SP110: variants seen among roughly 807,000 people sequenced by gnomAD.
SP110 encodes SP110 nuclear body protein.
Under a neutral mutation model 92.7 loss-of-function variants are expected in SP110, and 62 were observed. The observed-to-expected ratio is 0.67, with a 90% CI of 0.55 to 0.83. SP110 has a LOEUF of 0.83. Among genes scored for constraint, SP110 ranks in the 40% least tolerant of loss-of-function variants. SP110 has a pLI of 0.00. For missense variants in SP110, 793 were observed against 863.9 expected (o/e 0.92, Z 1.03); for synonymous variants, 273 against 305.3 (o/e 0.89, Z 1.10).
chr2:230,179,206 G>A (rs1207699811), intron 12 of SP110, among the ~76,000 whole-genome samples: 3 of 152,198 alleles, frequency 2.0e-5, no homozygotes, highest in Non-Finnish European at 4.4e-5. Flanking sequence ...ACACAAGGCA[G>A]ATAGAGTGAG....
intron 10 of SP110, among the ~76,000 whole-genome samples, chr2:230,188,972 A>C (rs1269889693): frequency 1.3e-5 from 2 of 151,726 alleles, no homozygotes; most frequent in African/African-American, 4.8e-5. Flanking sequence ...TTTCCTCTAG[A>C]TTTTTCTAGT....
intron 8 of SP110, among the ~76,000 whole-genome samples, chr2:230,206,132 T>A (rs1249731186): frequency 6.6e-6 from 1 of 152,180 alleles, no homozygotes; most frequent in Non-Finnish European, 1.5e-5. Context: ...AATGATAAAC[T>A]AAGTCAGGGA....
chr2:230,210,449 T>C (rs1006452894), intron 6 of SP110, among the ~76,000 whole-genome samples: 1 of 152,242 alleles, frequency 6.6e-6, no homozygotes, highest in Non-Finnish European at 1.5e-5. Context: ...GGGAATGTCT[T>C]TGCTGTATGA....
intron 10 of SP110, among the ~76,000 whole-genome samples, chr2:230,199,782 G>A (rs1032287032): frequency 6.6e-6 from 1 of 152,106 alleles, no homozygotes; most frequent in Non-Finnish European, 1.5e-5. Context: ...GAAGTAATGA[G>A]AAAGTAATTT....
chr2:230,194,871 T>C (rs1165485370), intron 10 of SP110, among the ~76,000 whole-genome samples: 1 of 152,132 alleles, frequency 6.6e-6, no homozygotes, highest in Non-Finnish European at 1.5e-5. Flanking sequence ...ACCAAGTTGG[T>C]GTTAGGTTTG....
chr2:230,176,434 C>T, intron 14 of SP110: 1 of 1,398,956 alleles, frequency 7.1e-7, no homozygotes, highest in East Asian at 2.7e-5. Context: ...TTATAGCCAT[C>T]CAAATATCCA....
At chr2:230,196,105 T>A (rs1041272823) in intron 10 of SP110, among the ~76,000 whole-genome samples, 1 of 152,218 alleles carries the variant, frequency 6.6e-6, no homozygotes, top group South Asian at 2.1e-4. Context: ...TGAATACTCA[T>A]ATATTGTTAA....
chr2:230,191,940 A>G (rs992583646), intron 10 of SP110, among the ~76,000 whole-genome samples: 1 of 152,222 alleles, frequency 6.6e-6, no homozygotes, highest in Non-Finnish European at 1.5e-5. Flanking sequence ...ATTCACCATG[A>G]TCAAGTCGGT....
At chr2:230,174,044 T>C (rs1345511968) in intron 14 of SP110, 2 of 152,182 alleles carry the variant, frequency 1.3e-5, no homozygotes, top group Non-Finnish European at 2.9e-5. Flanking sequence ...TTTCAGCAAA[T>C]TCATTTGACA....
rs908635086 is a variant in SP110, at chr2:230,167,244, T to G, written c.*1880A>C. On this transcript the variant is annotated 3_prime_UTR_variant, in exon 19 of 19. Coordinates refer to ENST00000258381, the MANE Select transcript of SP110 (RefSeq NM_080424.4). The stretch of plus-strand genomic sequence containing the variant: ...TCCTGAGTAGCTGGGACTACAGGTG[T>G]GTGCCACCTTGCCCAGCTAATTAAA... 3 of 150,746 alleles carry G rather than the reference T, an allele frequency of 2.0e-5. No homozygotes were observed. The highest frequency in any genetic ancestry group is 4.4e-5 in the Non-Finnish European group (3 of 67,948). 9.3% of individuals were successfully genotyped at this position (150,746 alleles called of 1,614,324 possible).
intron 9 of SP110, among the ~76,000 whole-genome samples, 159 bp downstream of exon 9, chr2:230,202,420 T>G (rs973202676): frequency 6.6e-6 from 1 of 152,214 alleles, no homozygotes; most frequent in Non-Finnish European, 1.5e-5. Context: ...ATGCAACAGA[T>G]GCTTGCTCTC....
At chr2:230,175,605 G>A (rs181665053) in intron 14 of SP110, among the ~76,000 whole-genome samples, 15 of 152,318 alleles carry the variant, frequency 9.8e-5, no homozygotes, top group African/African-American at 3.6e-4. Context: ...CAGCCTCCAG[G>A]GCAAGATGGG....
In SP110 at chr2:230,200,934, T is replaced by C. The variant is rs770884627; in HGVS notation, c.1080A>G (p.Glu360=). Residue 360 remains glutamate, a synonymous_variant, in exon 10 of 19, where the codon GAA becomes GAG. Coordinates refer to ENST00000258381, the MANE Select transcript of SP110 (RefSeq NM_080424.4). ...TAGGCGTCTTCTGGGACCTCTTTCC[T>C]TCATTCATTTCTGAAGTGCCATCAA... ...EIIDGTSEMN[E]GKRSQKTPST... 3 of 1,613,956 alleles carry C rather than the reference T, an allele frequency of 1.9e-6. No individual in the cohort carries two copies. In the South Asian group the frequency reaches 3.3e-5, roughly 18 times the overall value.
upstream of SP110, among the ~76,000 whole-genome samples, chr2:230,223,735 T>C (rs1047572057): frequency 2.6e-5 from 4 of 152,196 alleles, no homozygotes; most frequent in African/African-American, 9.7e-5. Context: ...AGTTGGCAAA[T>C]TAAATTACAG....
chr2:230,196,797 G>GT (rs1010649871), intron 10 of SP110, among the ~76,000 whole-genome samples: 156 of 151,992 alleles, frequency 1.0e-3, no homozygotes, highest in Admixed American at 2.2e-3. Context: ...GCAGTGTTTG[G>GT]TTTTTTGTCC....
At chr2:230,221,054 G>A (rs188023825), upstream of SP110, among the ~76,000 whole-genome samples, 13 of 152,058 alleles carry the variant, frequency 8.5e-5, no homozygotes, top group East Asian at 2.5e-3. Context: ...AGGCTGAGAT[G>A]GGTGGATCAC....
rs150627628 is a variant in SP110, at chr2:230,186,048, T to A, written c.1225A>T (p.Met409Leu). 1.4e-5 allele frequency: 22 copies of A among 1,614,010 alleles called. No individual in the cohort carries two copies. The African/African-American group carries it at 2.5e-4, about 19-fold the overall frequency. Residue 409 changes from methionine to leucine, a missense_variant, in exon 11 of 19, where the codon ATG becomes TTG. Met to Leu is a conservative substitution (Grantham distance 15). Coordinates refer to ENST00000258381, the MANE Select transcript of SP110 (RefSeq NM_080424.4). ...GTTCTTGCCTTTTGGACCCTCATCA[T>A]GACCTCTGAGTTCCAGGTTGAGTCG... ...KDDSTWNSEV[M>L]MRVQKARTKC...
chr2:230,206,586 G>T (rs1574708689), intron 8 of SP110, among the ~76,000 whole-genome samples: 3 of 74,034 alleles, frequency 4.1e-5, no homozygotes, highest in Non-Finnish European at 8.1e-5. Flanking sequence ...ATATTATCTG[G>T]TCCAGATTTT....
At chr2:230,189,546 G>C (rs114941143) in intron 10 of SP110, among the ~76,000 whole-genome samples, 2,567 of 152,210 alleles carry the variant, frequency 0.017, 51 homozygotes, top group African/African-American at 0.056. Context: ...GATCTGAGGA[G>C]ATACTTAATA....
Sources: gnomAD v4.1 joint callset for allele counts (sites outside exome capture counted in the v4.1 genomes callset) on GRCh38, gnomAD v4.1.1 for gene constraint, MANE v1.5 for transcripts, NCBI Gene and HGNC (gene_info 2026-07-23, HGNC 2026-07-21) for gene names.